The following SMAP1 variants were observed in gnomAD, a reference collection of about 807,000 sequenced individuals.
SMAP1 encodes stromal membrane-associated protein 1.
Under a neutral mutation model 58.5 loss-of-function variants are expected in SMAP1, and 24 were observed. The observed-to-expected ratio is 0.41, with a 90% CI of 0.30 to 0.58. The LOEUF is 0.58. Ranked by LOEUF, SMAP1 falls within the 20% of genes least tolerant of loss-of-function variation. SMAP1 has a pLI of 0.29. For missense variants in SMAP1, 563 were observed against 566.3 expected (o/e 0.99, Z 0.06); for synonymous variants, 216 against 196.6 (o/e 1.10, Z -0.82).
chr6:70,696,315 A>G (rs781121601), intron 1 of SMAP1, among the ~76,000 whole-genome samples: 16 of 151,596 alleles, frequency 1.1e-4, no homozygotes, highest in Admixed American at 3.3e-4. Context: ...TTGCTTTGCT[A>G]GTGTTTAAAG....
At chr6:70,686,183 T>C (rs2128553785) in intron 1 of SMAP1, among the ~76,000 whole-genome samples, 1 of 152,328 alleles carries the variant, frequency 6.6e-6, no homozygotes, top group East Asian at 1.9e-4. Context: ...AGTCTGTTTT[T>C]TTTACCTGCT....
intron 7 of SMAP1, among the ~76,000 whole-genome samples, chr6:70,841,647 T>G (rs1770811916): frequency 1.3e-5 from 2 of 152,318 alleles, no homozygotes; most frequent in African/African-American, 2.4e-5. Context: ...TAGGTAGAGA[T>G]TCCCTCAGTT....
intron 1 of SMAP1, among the ~76,000 whole-genome samples, chr6:70,685,136 T>G (rs912381039): frequency 1.3e-5 from 2 of 152,222 alleles, no homozygotes; most frequent in Non-Finnish European, 2.9e-5. Context: ...TCTTAGTTTT[T>G]TTTTTTGAGC....
chr6:70,675,279 A>G (rs1464548755), intron 1 of SMAP1, among the ~76,000 whole-genome samples: 1 of 150,416 alleles, frequency 6.6e-6, no homozygotes, highest in Non-Finnish European at 1.5e-5. Context: ...AATCTTCAAA[A>G]CAACCTTTGA....
At chr6:70,715,344 G>C (rs971809914) in intron 1 of SMAP1, among the ~76,000 whole-genome samples, 1 of 151,788 alleles carries the variant, frequency 6.6e-6, no homozygotes, top group African/African-American at 2.4e-5. Context: ...CACCTGTCTT[G>C]GCCTCCCAAA....
Position 70,791,773 on chromosome 6 carries a change from T to C in SMAP1, c.495+4T>C. The C allele has an allele frequency of 6.2e-7, 1 of 1,611,648 alleles. No individual in the cohort carries two copies. Among genetic ancestry groups the C allele is most frequent in the Non-Finnish European group, 8.5e-7 (1 of 1,178,194 alleles). On this transcript the variant is annotated splice_donor_region_variant and intron_variant, in intron 5 of 10. Coordinates refer to ENST00000370455, the MANE Select transcript of SMAP1 (RefSeq NM_001044305.3). The stretch of plus-strand genomic sequence containing the variant: ...TGTTGACAAAAATAAATTGGAGGTA[T>C]GGTCATGTTTTAACCAGCTACATTA...
At chr6:70,699,436 C>T (rs1767537739) in intron 1 of SMAP1, among the ~76,000 whole-genome samples, 1 of 152,162 alleles carries the variant, frequency 6.6e-6, no homozygotes, top group Admixed American at 6.5e-5. Context: ...GGCCCAAGAG[C>T]TCTTCAGTCA....
intron 5 of SMAP1, among the ~76,000 whole-genome samples, chr6:70,792,348 A>G (rs1469428617): frequency 6.8e-5 from 10 of 146,014 alleles, no homozygotes; most frequent in Non-Finnish European, 1.5e-4. Context: ...TTTTTGTTAC[A>G]TTGGCCTTAA....
chr6:70,710,870 T>C (rs1164154849), intron 1 of SMAP1, among the ~76,000 whole-genome samples: 5 of 152,202 alleles, frequency 3.3e-5, no homozygotes, highest in African/African-American at 1.2e-4. Flanking sequence ...GCTTTTTTAC[T>C]TTTTAAGCTT....
chr6:70,716,185 A>G (rs900182925), intron 1 of SMAP1, among the ~76,000 whole-genome samples: 2 of 152,160 alleles, frequency 1.3e-5, no homozygotes, highest in Admixed American at 6.5e-5. Context: ...GTAAACATGC[A>G]TGTATTGTGC....
At chr6:70,759,856 G>T in intron 3 of SMAP1, 1 of 449,248 alleles carries the variant, frequency 2.2e-6, no homozygotes, top group Non-Finnish European at 4.5e-6. Flanking sequence ...AACAACAGCT[G>T]TAATAACTTT....
intron 1 of SMAP1, among the ~76,000 whole-genome samples, chr6:70,723,622 T>G (rs1190912598): frequency 6.6e-6 from 1 of 152,214 alleles, no homozygotes; most frequent in Non-Finnish European, 1.5e-5. Flanking sequence ...ACATGTTTGC[T>G]TATTGTATAC....
At chr6:70,771,097 C>T (rs1279311833) in intron 3 of SMAP1, among the ~76,000 whole-genome samples, 1 of 152,150 alleles carries the variant, frequency 6.6e-6, no homozygotes, top group African/African-American at 2.4e-5. Flanking sequence ...GCTGCCTGAT[C>T]GTTCCTCTGG....
intron 6 of SMAP1, among the ~76,000 whole-genome samples, chr6:70,805,145 C>A (rs145033978): frequency 6.6e-6 from 1 of 152,040 alleles, no homozygotes; most frequent in African/African-American, 2.4e-5. Flanking sequence ...ACCAATCAGA[C>A]GTAGATTTGG....
chr6:70,732,067 G>C (rs190558604), intron 1 of SMAP1, among the ~76,000 whole-genome samples: 6 of 152,128 alleles, frequency 3.9e-5, no homozygotes, highest in Non-Finnish European at 7.4e-5. Context: ...TTTTACAGTA[G>C]GGTATTATTA....
At chr6:70,703,153 T>C (rs531498237) in intron 1 of SMAP1, among the ~76,000 whole-genome samples, 180 of 152,266 alleles carry the variant, frequency 1.2e-3, no homozygotes, top group African/African-American at 4.2e-3. Context: ...TATGGCTGAC[T>C]GCAACCTCTG....
At position 70,667,940 on chromosome 6, in the gene SMAP1, GC is replaced by G; in HGVS notation, c.-83del. ...GCTGAGTCCGCCCGCGGTCCCGGCG[GC>G]GCCAGGTGCGTTCACTCTGCCCGGC... On this transcript the variant is annotated 5_prime_UTR_variant, in exon 1 of 11. Transcript: ENST00000370455. 1.6e-6 allele frequency: 2 copies of G among 1,215,870 alleles called. No homozygotes were observed. The highest frequency in any genetic ancestry group is 2.3e-6 in the Non-Finnish European group (2 of 877,500). The allele number at this position is 1,215,870 out of a possible 1,614,324, so 75.3% of individuals were successfully genotyped here. A position where few individuals can be genotyped will look rare whatever the true frequency, so the allele number is the denominator to read the frequency against.
intron 4 of SMAP1, among the ~76,000 whole-genome samples, chr6:70,784,485 C>A (rs1407046979): frequency 2.0e-5 from 3 of 152,138 alleles, no homozygotes; most frequent in African/African-American, 7.2e-5. Flanking sequence ...GCTAAATGCT[C>A]CAATTAAAAG....
intron 1 of SMAP1, among the ~76,000 whole-genome samples, chr6:70,685,927 A>G (rs1766917708): frequency 1.3e-5 from 2 of 152,152 alleles, no homozygotes; most frequent in South Asian, 2.1e-4. Flanking sequence ...TTTTTTTAAC[A>G]CAGAACCTCA....
Sources: gnomAD v4.1 joint callset for allele counts (sites outside exome capture counted in the v4.1 genomes callset) on GRCh38, gnomAD v4.1.1 for gene constraint, MANE v1.5 for transcripts, NCBI Gene and HGNC (gene_info 2026-07-23, HGNC 2026-07-21) for gene names.